The following LMBR1 variants were observed in gnomAD, a reference collection of about 807,000 sequenced individuals.
The protein encoded by LMBR1 is limb development membrane protein 1, also known as limb region 1 protein homolog.
In LMBR1, 52 loss-of-function variants were observed where a neutral mutation model predicts 73.9. The ratio of observed to expected loss-of-function variants is 0.70; its 90% confidence interval spans 0.56 to 0.89. LMBR1 has a LOEUF of 0.89. Among genes scored for constraint, LMBR1 ranks in the 40% least tolerant of loss-of-function variants. The pLI is 0.00. For synonymous variants in LMBR1, 215 were observed against 209.4 expected (o/e 1.03, Z -0.23); for missense variants, 539 against 579.8 (o/e 0.93, Z 0.72).
Position 156,685,116 on chromosome 7 carries a change from A to G in LMBR1, c.1388-953T>C, listed in dbSNP as rs1805724840. Among the ~76,000 whole-genome samples, 1 of 152,332 alleles carries G rather than the reference A, an allele frequency of 6.6e-6. No homozygotes were observed. The highest frequency in any genetic ancestry group is 2.1e-4 in the South Asian group (1 of 4,826). ...CAAAAGAATAAACTGAACATAAATA[A>G]TATCTCACTACCCAAAGGTATTTCA... On this transcript the variant is annotated intron_variant, in intron 16 of 16. Transcript: ENST00000353442. This position sits in a 1 kb window ranked among gnomAD's most constrained non-coding sequence, Gnocchi z 4.1.
intron 16 of LMBR1, among the ~76,000 whole-genome samples, chr7:156,686,167 G>C (rs891072116): frequency 2.0e-5 from 3 of 152,106 alleles, no homozygotes; most frequent in Non-Finnish European, 4.4e-5. Flanking sequence ...TTTTAGGATC[G>C]ATTATCTGAG....
At chr7:156,675,116 G>A (rs958394306), downstream of LMBR1, among the ~76,000 whole-genome samples, 8 of 152,196 alleles carry the variant, frequency 5.3e-5, no homozygotes, top group South Asian at 6.2e-4. Flanking sequence ...AGATAGTGCA[G>A]ACCCGAAGAG....
At chr7:156,675,779 C>A (rs1803805313), downstream of LMBR1, 1 of 1,614,072 alleles carries the variant, frequency 6.2e-7, no homozygotes, top group African/African-American at 1.3e-5. Context: ...AGTGCTTGGC[C>A]ATAAATCGAA....
At chr7:156,707,597 G>A (rs57104063) in intron 15 of LMBR1, among the ~76,000 whole-genome samples, 24,086 of 152,126 alleles carry the variant, frequency 0.16, 2,555 homozygotes, top group African/African-American at 0.3. Context: ...ATATCACACT[G>A]ACAGAATTAA....
In LMBR1 at chr7:156,818,747, T is replaced by C. The variant is rs536900510; in HGVS notation, c.319+7858A>G. Among the ~76,000 whole-genome samples, 67 of 152,346 alleles carry C rather than the reference T, an allele frequency of 4.4e-4. 1 individual carries two copies. The highest frequency in any genetic ancestry group is 5.4e-4 in the Non-Finnish European group (37 of 68,032). On this transcript the variant is annotated intron_variant, in intron 4 of 16. Transcript: ENST00000353442. ...AGCTGTATCATTGTTTTTCAACTTA[T>C]GGAAATGAAGAGTTTCATATTTTCC...
rs190868724 is a variant in LMBR1 at position 156,704,968 on chromosome 7, C to T, written c.1226-16777G>A. On this transcript the variant is annotated intron_variant, in intron 15 of 16. Coordinates refer to ENST00000353442, the MANE Select transcript of LMBR1 (RefSeq NM_022458.4). ...TGTTTGAGACTACATAAAAACCTAA[C>T]GTACAGATTCCTGAGGGGGAAGAAA... 6.7e-4 allele frequency among the ~76,000 whole-genome samples: 102 copies of T among 151,984 alleles called. 1 individual carries two copies. Among genetic ancestry groups the T allele is most frequent in the Middle Eastern group, 3.4e-3 (1 of 294 alleles).
intron 9 of LMBR1, among the ~76,000 whole-genome samples, chr7:156,740,087 G>A (rs1194971407): frequency 6.6e-6 from 1 of 152,032 alleles, no homozygotes; most frequent in Non-Finnish European, 1.5e-5. Flanking sequence ...AAATTGTAGA[G>A]TTGAAAAATG....
intron 15 of LMBR1, among the ~76,000 whole-genome samples, chr7:156,708,322 T>C (rs1205327059): frequency 6.6e-6 from 1 of 152,228 alleles, no homozygotes; most frequent in Non-Finnish European, 1.5e-5. Flanking sequence ...GAGTTCCCAG[T>C]GTGTGAGGTG....
At chr7:156,891,964 A>T (rs1193772523) in intron 1 of LMBR1, among the ~76,000 whole-genome samples, 1 of 152,246 alleles carries the variant, frequency 6.6e-6, no homozygotes, top group Admixed American at 6.5e-5. Flanking sequence ...AGTGTGACTG[A>T]ATCGTAGACA....
intron 8 of LMBR1, among the ~76,000 whole-genome samples, chr7:156,761,588 G>C (rs1281806768): frequency 1.3e-5 from 2 of 152,026 alleles, no homozygotes; most frequent in Non-Finnish European, 2.9e-5. Context: ...ATTTGCTAGA[G>C]GAATTTTTAC....
At chr7:156,821,777 C>T (rs1834835827) in intron 4 of LMBR1, among the ~76,000 whole-genome samples, 1 of 140,912 alleles carries the variant, frequency 7.1e-6, no homozygotes, top group Non-Finnish European at 1.6e-5. Context: ...CAGCCTCCTT[C>T]CCCAGCCACC....
Position 156,709,896 on chromosome 7 carries a change from A to ATTTTT in LMBR1, c.1225+14211_1225+14215dup, listed in dbSNP as rs34487923. Among the ~76,000 whole-genome samples, 12 of 90,352 alleles carry ATTTTT rather than the reference A, an allele frequency of 1.3e-4. 1 individual carries two copies. The highest frequency in any genetic ancestry group is 4.3e-4 in the African/African-American group (9 of 20,908). The allele number at this position is 90,352 out of a possible 152,430, so 59.3% of individuals were successfully genotyped here. On this transcript the variant is annotated intron_variant, in intron 15 of 16. Transcript: ENST00000353442. ...GCCAGTTAAAGAATTCAGAAGGTTG[A>ATTTTT]TTTTTTTTTTTTTTTTTTTTTTTTT...
chr7:156,855,413 T>C (rs1177138697), intron 1 of LMBR1, among the ~76,000 whole-genome samples: 1 of 151,948 alleles, frequency 6.6e-6, no homozygotes, highest in Non-Finnish European at 1.5e-5. Flanking sequence ...AATTAGTCAA[T>C]TAGAAGATAT....
chr7:156,813,435 A>C (rs1270977146), intron 4 of LMBR1, among the ~76,000 whole-genome samples: 1 of 152,148 alleles, frequency 6.6e-6, no homozygotes, highest in East Asian at 1.9e-4. Context: ...CCCTTGTTTA[A>C]TTCTCTCAAC....
At chr7:156,713,490 C>A (rs1812536189) in intron 15 of LMBR1, among the ~76,000 whole-genome samples, 1 of 151,928 alleles carries the variant, frequency 6.6e-6, no homozygotes, top group Non-Finnish European at 1.5e-5. Context: ...ATGTGGGGGA[C>A]AGGAGGTACG....
chr7:156,737,218 G>A (rs1818044580), intron 9 of LMBR1, among the ~76,000 whole-genome samples: 1 of 152,114 alleles, frequency 6.6e-6, no homozygotes, highest in African/African-American at 2.4e-5. Flanking sequence ...GTTTGATTAA[G>A]TATAAAAAAT....
rs867931735 is a variant in LMBR1, at chr7:156,700,693, A to C, written c.1226-12502T>G. 8.5e-5 allele frequency among the ~76,000 whole-genome samples: 13 copies of C among 152,214 alleles called. 1 individual carries two copies. In the Middle Eastern group the frequency reaches 0.02, roughly 239 times the overall value. ...TTCAACAAGTCTCTAGGAAGTTCCA[A>C]ACTTTACCATATTTTCCTTTCTTCT... On this transcript the variant is annotated intron_variant, in intron 15 of 16. Coordinates refer to ENST00000353442, the MANE Select transcript of LMBR1 (RefSeq NM_022458.4).
chr7:156,691,718 A>G (rs1807215314), intron 15 of LMBR1, among the ~76,000 whole-genome samples: 1 of 152,126 alleles, frequency 6.6e-6, no homozygotes, highest in African/African-American at 2.4e-5. Context: ...AGATTACCAG[A>G]AAGAACACGT....
chr7:156,716,123 A>G (rs1268613836), intron 15 of LMBR1, among the ~76,000 whole-genome samples: 1 of 152,242 alleles, frequency 6.6e-6, no homozygotes, highest in African/African-American at 2.4e-5. Flanking sequence ...AAGGAACATA[A>G]AGTTTCATGA....
Sources: gnomAD v4.1 joint callset for allele counts (sites outside exome capture counted in the v4.1 genomes callset) on GRCh38, gnomAD v4.1.1 for gene constraint, Gnocchi (gnomAD v3.1) non-coding constraint, MANE v1.5 for transcripts, NCBI Gene and HGNC (gene_info 2026-07-23, HGNC 2026-07-21) for gene names.